The following RBFOX1 variants were observed in gnomAD, a reference collection of about 807,000 sequenced individuals.
RBFOX1 encodes the protein RNA binding fox-1 homolog 1.
Under a neutral mutation model 57.7 loss-of-function variants are expected in RBFOX1, and 8 were observed. The observed-to-expected ratio is 0.14, with a 90% CI of 0.08 to 0.25. The LOEUF is 0.25. Among genes scored for constraint, RBFOX1 ranks in the 10% least tolerant of loss-of-function variants. The pLI is 1.00. For missense variants in RBFOX1, 611 were observed against 548.5 expected (o/e 1.11, Z -1.14); for synonymous variants, 326 against 222.4 (o/e 1.47, Z -4.15).
Position 6,488,241 on chromosome 16 carries a change from T to C in RBFOX1, c.-63-166362T>C, listed in dbSNP as rs74005235. On this transcript the variant is annotated intron_variant, in intron 2 of 15. Transcript: ENST00000550418. Reference sequence around the variant, plus strand: ...TGGATGTATTTCTTTGTTGTTTAGTTGTAGTCTCTAGTTGTGAGGAAATCA... The same window carrying C: ...TGGATGTATTTCTTTGTTGTTTAGTCGTAGTCTCTAGTTGTGAGGAAATCA... Among the ~76,000 whole-genome samples, 1,492 of 152,336 alleles carry C rather than the reference T, an allele frequency of 9.8e-3. 31 individuals are homozygous for C. The highest frequency in any genetic ancestry group is 0.034 in the African/African-American group (1,414 of 41,564).
At chr16:6,620,157 A>C (rs1007990025) in intron 2 of RBFOX1, among the ~76,000 whole-genome samples, 1 of 152,192 alleles carries the variant, frequency 6.6e-6, no homozygotes, top group Non-Finnish European at 1.5e-5. Flanking sequence ...AGTCTCTTGC[A>C]CCACAGCATA....
chr16:5,675,405 C>G (rs557034157), intron 3 of RBFOX1, among the ~76,000 whole-genome samples: 2 of 152,292 alleles, frequency 1.3e-5, no homozygotes, highest in South Asian at 4.1e-4. Flanking sequence ...AAGAGAGAAG[C>G]ATCCCTGGGT....
chr16:6,055,716 G>A (rs555988836), intron 1 of RBFOX1, among the ~76,000 whole-genome samples: 2 of 151,538 alleles, frequency 1.3e-5, no homozygotes, highest in East Asian at 2.0e-4. Flanking sequence ...GAAGTGTGAA[G>A]ACTTCAGAAG....
chr16:6,039,460 G>A (rs1191568354), intron 1 of RBFOX1, among the ~76,000 whole-genome samples: 1 of 152,092 alleles, frequency 6.6e-6, no homozygotes. Context: ...CCAGCTTGGA[G>A]ACCGAAGTTC....
At chr16:7,443,113 G>A (rs568492062) in intron 4 of RBFOX1, among the ~76,000 whole-genome samples, 39 of 152,332 alleles carry the variant, frequency 2.6e-4, no homozygotes, top group African/African-American at 7.7e-4. Flanking sequence ...AGGATAAAAT[G>A]TGATTTTCGA....
At chr16:6,219,438 G>C (rs140599500) in intron 1 of RBFOX1, among the ~76,000 whole-genome samples, 1,577 of 152,300 alleles carry the variant, frequency 0.01, 15 homozygotes, top group Middle Eastern at 0.02. Context: ...GCATAACTGA[G>C]TTGGGAGGGA....
At chr16:5,432,279 G>A (rs1028060577) in intron 1 of RBFOX1, among the ~76,000 whole-genome samples, 1 of 151,990 alleles carries the variant, frequency 6.6e-6, no homozygotes, top group African/African-American at 2.4e-5. Flanking sequence ...GTAAAAATGA[G>A]ATGAAATGGG....
intron 14 of RBFOX1, among the ~76,000 whole-genome samples, chr16:7,703,325 G>C (rs1206869350): frequency 6.6e-6 from 1 of 152,100 alleles, no homozygotes; most frequent in Non-Finnish European, 1.5e-5. Context: ...GTTGGGAGGG[G>C]TACAAGCCCA....
chr16:6,672,334 G>A (rs2098770988), intron 3 of RBFOX1, among the ~76,000 whole-genome samples: 1 of 151,556 alleles, frequency 6.6e-6, no homozygotes, highest in South Asian at 2.1e-4. Context: ...GGTGGGGAAG[G>A]GTGGCAGGGA....
At chr16:6,425,659 G>A (rs1024727646) in intron 2 of RBFOX1, among the ~76,000 whole-genome samples, 1 of 152,140 alleles carries the variant, frequency 6.6e-6, no homozygotes, top group East Asian at 1.9e-4. Context: ...GGACTTTGTA[G>A]GCATTTCTGT....
At chr16:7,225,905 A>AATAAATAAATATATATATATATATATAT (rs66510060) in intron 4 of RBFOX1, among the ~76,000 whole-genome samples, 10 of 93,732 alleles carry the variant, frequency 1.1e-4, no homozygotes, top group African/African-American at 4.8e-4. Context: ...AAGTATAATA[A>AATAAATAAATATATATATATATATATAT]ATATATATAT....
chr16:6,036,630 G>A (rs771287586), intron 1 of RBFOX1, among the ~76,000 whole-genome samples: 3 of 152,024 alleles, frequency 2.0e-5, no homozygotes, highest in Non-Finnish European at 2.9e-5. Context: ...TCAGACTGGT[G>A]GGAATGTTTT....
At chr16:7,154,901 G>C (rs1009180465) in intron 4 of RBFOX1, among the ~76,000 whole-genome samples, 2 of 152,140 alleles carry the variant, frequency 1.3e-5, no homozygotes, top group Non-Finnish European at 2.9e-5. Flanking sequence ...TAGGATTACA[G>C]AGTTTTATAA....
At chr16:7,217,773 A>G (rs1053155772) in intron 4 of RBFOX1, among the ~76,000 whole-genome samples, 6 of 152,314 alleles carry the variant, frequency 3.9e-5, no homozygotes, top group African/African-American at 1.4e-4. Flanking sequence ...CAGAAAGAAC[A>G]TTTTTATAGT....
intron 2 of RBFOX1, among the ~76,000 whole-genome samples, chr16:6,621,769 C>T (rs2098236085): frequency 6.6e-6 from 1 of 152,152 alleles, no homozygotes; most frequent in Non-Finnish European, 1.5e-5. Flanking sequence ...CTAATCACTG[C>T]AGCTAGAAGG....
At chr16:7,289,405 A>C (rs1214066480) in intron 4 of RBFOX1, among the ~76,000 whole-genome samples, 1 of 151,896 alleles carries the variant, frequency 6.6e-6, no homozygotes. Context: ...CAACATTACC[A>C]CCACCATTAT....
At chr16:7,044,901 T>C (rs571709575) in intron 3 of RBFOX1, among the ~76,000 whole-genome samples, 1 of 152,154 alleles carries the variant, frequency 6.6e-6, no homozygotes, top group East Asian at 1.9e-4. Context: ...ATGGAGAAAA[T>C]TTTTTAAGAG....
In RBFOX1 at chr16:6,985,248, A is replaced by T. The variant is rs972486705; in HGVS notation, c.-15-66809A>T. Among the ~76,000 whole-genome samples, 4 of 152,176 alleles carry T rather than the reference A, an allele frequency of 2.6e-5. No homozygotes were observed. The East Asian group carries it at 7.7e-4, about 29-fold the overall frequency. On this transcript the variant is annotated intron_variant, in intron 3 of 15. Coordinates refer to ENST00000550418, the MANE Select transcript of RBFOX1 (RefSeq NM_018723.4). The stretch of plus-strand genomic sequence containing the variant: ...TGGCCTCTTGTCTTTTCTGGGCTAC[A>T]TGCCACATATTGGTAGGGAATATAT...
chr16:6,439,381 C>T (rs567275331), intron 2 of RBFOX1, among the ~76,000 whole-genome samples: 7 of 152,320 alleles, frequency 4.6e-5, no homozygotes, highest in African/African-American at 1.4e-4. Context: ...TTAACGTGCT[C>T]TGAGTTCAGC....
Sources: allele counts gnomAD v4.1 joint callset (sites outside exome capture counted in the v4.1 genomes callset), GRCh38; gene constraint gnomAD v4.1.1; transcripts MANE v1.5; gene names NCBI Gene and HGNC (gene_info 2026-07-23, HGNC 2026-07-21).